The following HEMK2 variants were observed in gnomAD, a reference collection of about 807,000 sequenced individuals.
The protein encoded by HEMK2 is methyltransferase HEMK2.
chr21:28,681,968 T>C, the HEMK2 span, among the ~76,000 whole-genome samples: 13 of 152,172 alleles, frequency 8.5e-5, no homozygotes, highest in Non-Finnish European at 1.6e-4. Context: ...ACCTAGGCAA[T>C]ACCATTCAGG....
At chr21:28,665,518 C>T in the HEMK2 span, among the ~76,000 whole-genome samples, 2 of 150,716 alleles carry the variant, frequency 1.3e-5, no homozygotes, top group African/African-American at 4.9e-5. Flanking sequence ...TTAGTGGGTG[C>T]AGCGCACCAA....
the HEMK2 span, among the ~76,000 whole-genome samples, chr21:28,764,628 C>T: frequency 1.3e-5 from 2 of 152,098 alleles, no homozygotes; most frequent in Non-Finnish European, 2.9e-5. Context: ...GAGAGAATAG[C>T]GAGGGCATCT....
At chr21:28,841,776 A>G in the HEMK2 span, among the ~76,000 whole-genome samples, 1 of 151,870 alleles carries the variant, frequency 6.6e-6, no homozygotes, top group African/African-American at 2.4e-5. Context: ...TACTCATGTA[A>G]CCAAATACCA....
chr21:28,864,860 TAG>T, the HEMK2 span, among the ~76,000 whole-genome samples: 22 of 112,170 alleles, frequency 2.0e-4, no homozygotes, highest in South Asian at 1.0e-3. Context: ...GATAGATAGA[TAG>T]ATAGATGGAT....
At chr21:28,653,275 T>G in the HEMK2 span, among the ~76,000 whole-genome samples, 1 of 151,034 alleles carries the variant, frequency 6.6e-6, no homozygotes, top group Non-Finnish European at 1.5e-5. Context: ...TTGTTTAACA[T>G]TCTCCAATGT....
At chr21:28,717,565 C>T in the HEMK2 span, among the ~76,000 whole-genome samples, 9 of 148,752 alleles carry the variant, frequency 6.1e-5, no homozygotes, top group East Asian at 4.1e-4. Context: ...CAGCAACATC[C>T]GCCTCCTGGG....
At chr21:28,637,407 T>C in the HEMK2 span, among the ~76,000 whole-genome samples, 7 of 152,216 alleles carry the variant, frequency 4.6e-5, no homozygotes, top group Admixed American at 4.6e-4. Flanking sequence ...ACACAATTTT[T>C]TCATTGATAT....
chr21:28,684,025 A>T, the HEMK2 span, among the ~76,000 whole-genome samples: 1 of 152,242 alleles, frequency 6.6e-6, no homozygotes, highest in African/African-American at 2.4e-5. Context: ...CACCAACATA[A>T]GCATTCCCAT....
At chr21:28,604,670 A>T in the HEMK2 span, among the ~76,000 whole-genome samples, 11 of 152,308 alleles carry the variant, frequency 7.2e-5, no homozygotes, top group African/African-American at 2.4e-4. Context: ...AGTTGTAATG[A>T]CTTAACCTGA....
At chr21:28,586,828 G>A in the HEMK2 span, among the ~76,000 whole-genome samples, 7 of 152,094 alleles carry the variant, frequency 4.6e-5, no homozygotes, top group African/African-American at 1.7e-4. Flanking sequence ...TCACAGGGGG[G>A]TAATGAATGA....
the HEMK2 span, among the ~76,000 whole-genome samples, chr21:28,772,027 C>T: frequency 6.6e-6 from 1 of 152,096 alleles, no homozygotes; most frequent in African/African-American, 2.4e-5. Flanking sequence ...ATCCTCTTCA[C>T]TAATCATAAG....
the HEMK2 span, among the ~76,000 whole-genome samples, chr21:28,742,241 C>T: frequency 2.0e-5 from 3 of 152,116 alleles, no homozygotes; most frequent in Non-Finnish European, 4.4e-5. Flanking sequence ...AGTTTGCTGG[C>T]CCCTGGTTTA....
chr21:28,688,614 G>C, the HEMK2 span, among the ~76,000 whole-genome samples: 1 of 151,860 alleles, frequency 6.6e-6, no homozygotes, highest in Non-Finnish European at 1.5e-5. Context: ...ATGAATAAAT[G>C]AATGAGTAAG....
At chr21:28,732,861 C>G in the HEMK2 span, among the ~76,000 whole-genome samples, 1 of 152,166 alleles carries the variant, frequency 6.6e-6, no homozygotes, top group Non-Finnish European at 1.5e-5. Flanking sequence ...TCAAAATCCT[C>G]TGTCTGCCTC....
At chr21:28,752,654 C>T in the HEMK2 span, among the ~76,000 whole-genome samples, 7 of 152,206 alleles carry the variant, frequency 4.6e-5, no homozygotes, top group African/African-American at 9.6e-5. Context: ...ATCAGGAGAA[C>T]AGGGACCACT....
chr21:28,761,703 C>T, the HEMK2 span, among the ~76,000 whole-genome samples: 1 of 151,786 alleles, frequency 6.6e-6, no homozygotes, highest in Non-Finnish European at 1.5e-5. Flanking sequence ...CTGTCTCCTC[C>T]CCCATTTGCC....
the HEMK2 span, among the ~76,000 whole-genome samples, chr21:28,787,653 A>G: frequency 9.2e-5 from 14 of 152,194 alleles, no homozygotes; most frequent in Admixed American, 2.0e-4. Flanking sequence ...CAAAATCACA[A>G]TGTGATACCA....
chr21:28,768,053 T>G, the HEMK2 span, among the ~76,000 whole-genome samples: 6 of 152,054 alleles, frequency 3.9e-5, no homozygotes, highest in Admixed American at 3.3e-4. Context: ...CGGGAAAGTG[T>G]GAGAAAGAGT....
the HEMK2 span, among the ~76,000 whole-genome samples, chr21:28,729,491 A>G: frequency 1.7e-3 from 260 of 152,290 alleles, 3 homozygotes; most frequent in Middle Eastern, 0.014. Flanking sequence ...TGTCTCAGGC[A>G]AAGCTGGATC....
Sources: allele counts gnomAD v4.1 joint callset (sites outside exome capture counted in the v4.1 genomes callset), GRCh38; gene constraint gnomAD v4.1.1; transcripts MANE v1.5; gene names NCBI Gene and HGNC (gene_info 2026-07-23, HGNC 2026-07-21).